Variants in RGS5 observed in about 807,000 individuals in gnomAD.
RGS5 encodes the protein regulator of G protein signaling 5, also known as regulator of G-protein signalling 5.
RGS5 carries 20 observed loss-of-function variants against 18.9 expected under a neutral mutation model. That is an observed-to-expected ratio of 1.06 (90% CI 0.74 to 1.54). The LOEUF (loss-of-function observed/expected upper bound fraction) is 1.54. RGS5 is among the 40% of genes most tolerant of loss of function. The probability of loss-of-function intolerance (pLI) is 0.00; values close to 1 mark genes in which losing one functional copy is unlikely to be tolerated. For synonymous variants in RGS5, 57 were observed against 76.2 expected, an observed-to-expected ratio of 0.75 and a Z score of 1.31; for missense variants, 201 against 211.8, an observed-to-expected ratio of 0.95 and a Z score of 0.32.
chr1:163,318,954 G>A (rs952091), intron 1 of RGS5: 7,515 of 152,278 alleles, frequency 0.049, 224 homozygotes, highest in South Asian at 0.094. Context: ...AAAGTACTGG[G>A]ATTGTGTGTG....
At chr1:163,154,835 T>C (rs1475954495) in intron 3 of RGS5, among the ~76,000 whole-genome samples, 10 of 149,332 alleles carry the variant, frequency 6.7e-5, no homozygotes, top group Non-Finnish European at 1.5e-4. Context: ...ATTTAAAAAT[T>C]ATATCTATAT....
At chr1:163,164,756 T>C (rs1657969358) in intron 2 of RGS5, among the ~76,000 whole-genome samples, 1 of 152,210 alleles carries the variant, frequency 6.6e-6, no homozygotes, top group Admixed American at 6.5e-5. Context: ...ATTACTGCTA[T>C]TGGCAATGCT....
rs867462231 is a variant in RGS5, at chr1:163,142,938, A to G, written c.*4404T>C. On this transcript the variant is annotated 3_prime_UTR_variant, in exon 5 of 5. Coordinates refer to ENST00000313961, the MANE Select transcript of RGS5 (RefSeq NM_003617.4). ...TACTAGAAAAATAATAAGATGTATT[A>G]TTAAAACGTGAGTTGAGAATAATAT... 9 of 152,338 alleles carry G rather than the reference A, an allele frequency of 5.9e-5. No homozygotes were observed. Among genetic ancestry groups the G allele is most frequent in the Admixed American group, 2.0e-4 (3 of 15,298 alleles). The allele number at this position is 152,338 out of a possible 1,614,324, so 9.4% of individuals were successfully genotyped here.
At chr1:163,172,446 C>T (rs1263289442) in intron 1 of RGS5, 14 of 1,206,842 alleles carry the variant, frequency 1.2e-5, no homozygotes, top group South Asian at 1.5e-5. Flanking sequence ...ACTATTTTAT[C>T]TATATCACTG....
intron 1 of RGS5, among the ~76,000 whole-genome samples, chr1:163,187,247 TA>T (rs1037013768): frequency 6.6e-6 from 1 of 152,214 alleles, no homozygotes; most frequent in Non-Finnish European, 1.5e-5. Flanking sequence ...AAAGTTATTT[TA>T]ACCCTCAGAT....
chr1:163,165,762 C>T (rs900918669), intron 2 of RGS5, among the ~76,000 whole-genome samples: 5 of 151,934 alleles, frequency 3.3e-5, no homozygotes, highest in Admixed American at 1.3e-4. Flanking sequence ...CAAAATTAGC[C>T]GGGCGTGGTG....
intron 2 of RGS5, among the ~76,000 whole-genome samples, chr1:163,286,191 A>AGCATTTAC (rs1265449261): frequency 2.0e-5 from 3 of 151,844 alleles, no homozygotes; most frequent in African/African-American, 4.9e-5. Context: ...TTATTTAGAC[A>AGCATTTAC]GCATTTACAT....
At chr1:163,172,852 C>G (rs1658367433) in intron 1 of RGS5, among the ~76,000 whole-genome samples, 1 of 152,160 alleles carries the variant, frequency 6.6e-6, no homozygotes, top group Non-Finnish European at 1.5e-5. Flanking sequence ...AAACATTGCA[C>G]TCTTTTCACA....
chr1:163,189,541 A>C (rs777601635), intron 1 of RGS5, among the ~76,000 whole-genome samples: 6 of 152,236 alleles, frequency 3.9e-5, no homozygotes, highest in Non-Finnish European at 8.8e-5. Flanking sequence ...GTCTTAATAC[A>C]ACACTGTCAA....
intron 2 of RGS5, among the ~76,000 whole-genome samples, chr1:163,297,361 C>T (rs1553696): frequency 0.24 from 35,847 of 151,984 alleles, 5,577 homozygotes; most frequent in East Asian, 0.66. Context: ...GCTGGACACA[C>T]GAAGATTGTG....
At chr1:163,153,187 C>T (rs1377262957) in intron 3 of RGS5, among the ~76,000 whole-genome samples, 1 of 152,116 alleles carries the variant, frequency 6.6e-6, no homozygotes. Flanking sequence ...TTTATTTTCT[C>T]TTTGTACAGA....
At chr1:163,229,280 G>A (rs1412993418) in intron 2 of RGS5, among the ~76,000 whole-genome samples, 6 of 152,142 alleles carry the variant, frequency 3.9e-5, no homozygotes, top group African/African-American at 7.2e-5. Flanking sequence ...GGCAGCAGGG[G>A]AGAGAATGAG....
chr1:163,249,369 T>C (rs1331273934), intron 2 of RGS5, among the ~76,000 whole-genome samples: 1 of 152,268 alleles, frequency 6.6e-6, no homozygotes, highest in Non-Finnish European at 1.5e-5. Context: ...TTTTCATTTA[T>C]GTTTTTCACA....
chr1:163,285,544 A>AAAAAC (rs58207362), intron 2 of RGS5, among the ~76,000 whole-genome samples: 2,202 of 149,996 alleles, frequency 0.015, 20 homozygotes, highest in Non-Finnish European at 0.025. Flanking sequence ...AAACAAAAAC[A>AAAAAC]AAAACAAAAC....
At chr1:163,202,753 A>G (rs533175810) in intron 1 of RGS5, 39 bp downstream of exon 1, 4 of 1,598,180 alleles carry the variant, frequency 2.5e-6, no homozygotes, top group East Asian at 4.5e-5. Context: ...AAGATTCTCC[A>G]TATCTGCATC....
intron 2 of RGS5, among the ~76,000 whole-genome samples, chr1:163,302,536 G>A (rs1649580173): frequency 6.6e-6 from 1 of 152,052 alleles, no homozygotes. Flanking sequence ...TTGTCACCCT[G>A]GATCAGAAAC....
chr1:163,177,056 C>T (rs746224275), intron 1 of RGS5, among the ~76,000 whole-genome samples: 33 of 152,306 alleles, frequency 2.2e-4, no homozygotes, highest in South Asian at 8.3e-4. Context: ...ACTAGCAGGA[C>T]GCGTGCTAGA....
At chr1:163,166,525 C>G (rs1029852030) in intron 2 of RGS5, among the ~76,000 whole-genome samples, 3 of 152,088 alleles carry the variant, frequency 2.0e-5, no homozygotes, top group Non-Finnish European at 2.9e-5. Context: ...TATTTCCTGT[C>G]AGATAAATGG....
intron 1 of RGS5, among the ~76,000 whole-genome samples, chr1:163,188,433 G>T (rs556252065): frequency 6.6e-6 from 1 of 152,264 alleles, no homozygotes; most frequent in South Asian, 2.1e-4. Context: ...CCAAAAGATA[G>T]TCAACAGGGA....
Sources: allele counts gnomAD v4.1 joint callset (sites outside exome capture counted in the v4.1 genomes callset), GRCh38; gene constraint gnomAD v4.1.1; transcripts MANE v1.5; gene names NCBI Gene and HGNC (gene_info 2026-07-23, HGNC 2026-07-21).